Variants in SNW1 observed in about 807,000 individuals in gnomAD.
SNW1 encodes the protein SNW domain containing 1.
SNW1 carries 9 observed loss-of-function variants against 75.6 expected under a neutral mutation model. That is an observed-to-expected ratio of 0.12 (90% CI 0.07 to 0.21). The LOEUF is 0.21. SNW1 is among the 10% of genes least tolerant of loss of function. SNW1 has a pLI of 1.00. For synonymous variants in SNW1, 200 were observed against 219.1 expected (o/e 0.91, Z 0.77); for missense variants, 409 against 670.9 (o/e 0.61, Z 4.31).
intron 3 of SNW1, among the ~76,000 whole-genome samples, chr14:77,748,385 G>A (rs1594806164): frequency 1.3e-5 from 2 of 151,008 alleles, no homozygotes; most frequent in Non-Finnish European, 3.0e-5. Context: ...CCCTCTCCGA[G>A]AAACACCCAA....
At chr14:77,751,022 C>T (rs190868162) in intron 3 of SNW1, among the ~76,000 whole-genome samples, 1 of 152,242 alleles carries the variant, frequency 6.6e-6, no homozygotes, top group Non-Finnish European at 1.5e-5. Flanking sequence ...AATTTACTGG[C>T]AGTTTTAGAA....
At chr14:77,758,315 CAA>C (rs55707854) in intron 1 of SNW1, among the ~76,000 whole-genome samples, 139 of 85,824 alleles carry the variant, frequency 1.6e-3, no homozygotes, top group Middle Eastern at 6.5e-3. Context: ...GACTCTGCCA[CAA>C]AAAAAAAAAA....
chr14:77,741,777 AGG>A (rs1186457511), intron 3 of SNW1, among the ~76,000 whole-genome samples: 1 of 152,160 alleles, frequency 6.6e-6, no homozygotes, highest in East Asian at 1.9e-4. Context: ...GTTAATCATG[AGG>A]AGTTTATCAC....
At chr14:77,760,553 C>T in intron 1 of SNW1, 1 of 661,742 alleles carries the variant, frequency 1.5e-6, no homozygotes, top group Non-Finnish European at 2.8e-6. Context: ...AAATTCTAAG[C>T]TCCAAAGTTA....
At chr14:77,730,383 C>T (rs970017479) in intron 10 of SNW1, among the ~76,000 whole-genome samples, 5 of 152,062 alleles carry the variant, frequency 3.3e-5, no homozygotes, top group African/African-American at 1.2e-4. Flanking sequence ...GAACCTTGCA[C>T]ACAGCAGATG....
At chr14:77,734,866 A>G in intron 8 of SNW1, 81 bp downstream of exon 8, 2 of 905,526 alleles carry the variant, frequency 2.2e-6, no homozygotes, top group Admixed American at 2.3e-5. Flanking sequence ...TGTTTCAACT[A>G]CAGTTATGCA....
intron 10 of SNW1, among the ~76,000 whole-genome samples, chr14:77,729,440 A>C (rs1357346595): frequency 6.6e-6 from 1 of 152,098 alleles, no homozygotes; most frequent in Non-Finnish European, 1.5e-5. Flanking sequence ...TCTTGTTACT[A>C]TCTCTCTTAC....
Position 77,755,131 on chromosome 14 carries a change from AGAT to A in SNW1, c.15-14_15-12del, listed in dbSNP as rs1202244287. 1 of 1,604,270 alleles carries A rather than the reference AGAT, an allele frequency of 6.2e-7. No individual in the cohort carries two copies. Among genetic ancestry groups the A allele is most frequent in the African/African-American group, 1.3e-5 (1 of 74,220 alleles). On this transcript the variant is annotated splice_polypyrimidine_tract_variant and intron_variant, in intron 1 of 13. Coordinates refer to ENST00000261531, the MANE Select transcript of SNW1 (RefSeq NM_012245.3). ...GGTGCAGGTAAAAAGCTATAAGCAA[AGAT>A]AATAAAAGTCAGAAATTTAAAAAAC... is the stretch of plus-strand genomic sequence containing the variant.
At chr14:77,728,137 T>C (rs2080600475) in intron 10 of SNW1, among the ~76,000 whole-genome samples, 1 of 151,972 alleles carries the variant, frequency 6.6e-6, no homozygotes, top group African/African-American at 2.4e-5. Context: ...TTCTGTATGT[T>C]TGAAAATGTT....
At chr14:77,760,981 G>T (rs898042462) in intron 1 of SNW1, 133 bp downstream of exon 1, 1 of 1,603,234 alleles carries the variant, frequency 6.2e-7, no homozygotes, top group African/African-American at 1.3e-5. Flanking sequence ...CAGCGGGAGG[G>T]CGTAGCCGTA....
At chr14:77,719,167 T>C (rs176962) in intron 12 of SNW1, among the ~76,000 whole-genome samples, 127,625 of 152,052 alleles carry the variant, frequency 0.84, 53,648 homozygotes, top group African/African-American at 0.87. Flanking sequence ...TCACAAAGTG[T>C]TAGGATTACA....
intron 7 of SNW1, among the ~76,000 whole-genome samples, chr14:77,735,529 C>T (rs904947557): frequency 3.9e-5 from 6 of 152,176 alleles, no homozygotes; most frequent in East Asian, 1.9e-4. Flanking sequence ...GTGATCTGCC[C>T]GCCTCGGCCT....
intron 11 of SNW1, chr14:77,722,706 C>A: frequency 8.4e-6 from 3 of 357,598 alleles, no homozygotes; most frequent in Non-Finnish European, 1.1e-5. Context: ...TAGTTAAGTA[C>A]AAGAAAATTA....
Position 77,747,004 on chromosome 14 carries a change from T to G in SNW1, c.330+4315A>C, listed in dbSNP as rs188404503. On this transcript the variant is annotated intron_variant, in intron 3 of 13. Transcript: ENST00000261531. ...CTGTGCTGCCACCATCTCGGCTCAC[T>G]GCAACCTCCCTGCCTGATTCTCCTG... Among the ~76,000 whole-genome samples the G allele has an allele frequency of 7.5e-3, 1,138 of 150,988 alleles. 12 individuals carry two copies. Among genetic ancestry groups the G allele is most frequent in the African/African-American group, 0.027 (1,095 of 41,166 alleles).
intron 1 of SNW1, among the ~76,000 whole-genome samples, chr14:77,756,198 G>A (rs968780836): frequency 6.6e-6 from 1 of 151,836 alleles, no homozygotes; most frequent in Non-Finnish European, 1.5e-5. Flanking sequence ...TCGGCTCACT[G>A]AAACCTCTGT....
chr14:77,733,709 T>TA (rs977789661), intron 8 of SNW1, among the ~76,000 whole-genome samples: 1 of 121,594 alleles, frequency 8.2e-6, no homozygotes, highest in African/African-American at 3.3e-5. Flanking sequence ...CATACCACTG[T>TA]ACTCCAGCCT....
chr14:77,744,839 A>C (rs1409108019), intron 3 of SNW1, among the ~76,000 whole-genome samples: 1 of 152,198 alleles, frequency 6.6e-6, no homozygotes, highest in Non-Finnish European at 1.5e-5. Flanking sequence ...AAATGCACCA[A>C]AACAAAGGCA....
intron 1 of SNW1, among the ~76,000 whole-genome samples, chr14:77,755,724 C>T (rs1446624458): frequency 6.7e-6 from 1 of 150,276 alleles, no homozygotes; most frequent in East Asian, 2.0e-4. Context: ...GCCATGCTTC[C>T]GTATTTCCAT....
At chr14:77,734,046 G>T in intron 8 of SNW1, 1 of 296,016 alleles carries the variant, frequency 3.4e-6, no homozygotes, top group Non-Finnish European at 7.0e-6. Context: ...CTTTGTTTAG[G>T]GTGAGTATAT....
Sources: gnomAD v4.1 joint callset for allele counts (sites outside exome capture counted in the v4.1 genomes callset) on GRCh38, gnomAD v4.1.1 for gene constraint, MANE v1.5 for transcripts, NCBI Gene and HGNC (gene_info 2026-07-23, HGNC 2026-07-21) for gene names.